The following MAK variants were observed in gnomAD, a reference collection of about 807,000 sequenced individuals.
The protein encoded by MAK is male germ cell associated kinase, also known as serine/threonine-protein kinase MAK.
A neutral mutation model predicts 82.6 loss-of-function variants in MAK; 65 were observed. The observed-to-expected ratio is 0.79, with a 90% CI of 0.64 to 0.97. The LOEUF (loss-of-function observed/expected upper bound fraction) is 0.97, where lower values mean the gene tolerates loss of function less well. Ranked by LOEUF, MAK falls within the 50% of genes least tolerant of loss-of-function variation. The pLI is 0.00. For missense variants in MAK, 703 were observed against 780.2 expected, an observed-to-expected ratio of 0.90 and a Z score of 1.18; for synonymous variants, 250 against 274.2, an observed-to-expected ratio of 0.91 and a Z score of 0.87.
intron 1 of MAK, 28 bp from the exon 2 acceptor site, chr6:10,830,905 A>C (rs1778767796): frequency 4.5e-6 from 2 of 445,770 alleles, no homozygotes; most frequent in East Asian, 9.1e-5. Flanking sequence ...GGATATCATG[A>C]ATTTTCATTA....
chr6:10,813,127 TATATATAAA>T (rs1322951961), intron 5 of MAK, among the ~76,000 whole-genome samples: 54 of 870 alleles, frequency 0.062, 9 homozygotes, highest in African/African-American at 0.071. Flanking sequence ...TATATATATA[TATATATAAA>T]TTTTTTTTTT....
At chr6:10,770,550 G>A (rs527705528) in intron 13 of MAK, among the ~76,000 whole-genome samples, 6 of 152,206 alleles carry the variant, frequency 3.9e-5, no homozygotes, top group South Asian at 2.1e-4. Context: ...GCTTTCTCAC[G>A]ACCCCACTTC....
At chr6:10,829,311 A>G (rs1778604003) in intron 2 of MAK, 1 of 152,256 alleles carries the variant, frequency 6.6e-6, no homozygotes, top group African/African-American at 2.4e-5. Flanking sequence ...AATATAACAT[A>G]TATCATTCAG....
rs558049276 is a variant in MAK at position 10,768,686 on chromosome 6, T to C, written c.1792+1425A>G. Among the ~76,000 whole-genome samples the C allele has an allele frequency of 4.6e-5, 7 of 152,376 alleles. No individual in the cohort carries two copies. The South Asian group carries it at 1.2e-3, about 27-fold the overall frequency. ...CTGCTGTATATAAAATGTTTACTTA[T>C]TTTGTTTCAGCGAAAAGATAATGAA... On this transcript the variant is annotated intron_variant, in intron 14 of 14. Coordinates refer to ENST00000354489, the MANE Select transcript of MAK (RefSeq NM_001242957.3).
intron 3 of MAK, 120 bp from the exon 4 acceptor site, chr6:10,818,091 T>C (rs533778817): frequency 3.7e-6 from 2 of 537,900 alleles, no homozygotes; most frequent in South Asian, 4.3e-5. Context: ...CCTGGGTTCA[T>C]TAATTAATTA....
At chr6:10,825,313 TTGA>T (rs1241434523) in intron 2 of MAK, among the ~76,000 whole-genome samples, 1 of 152,222 alleles carries the variant, frequency 6.6e-6, no homozygotes, top group Admixed American at 6.5e-5. Context: ...TCCAGACTTC[TTGA>T]TACGTGCTTC....
At chr6:10,826,332 A>T (rs1173775864) in intron 2 of MAK, among the ~76,000 whole-genome samples, 1 of 141,232 alleles carries the variant, frequency 7.1e-6, no homozygotes, top group Non-Finnish European at 1.5e-5. Context: ...AGTGTGGCTT[A>T]TCTAGGCTCC....
At chr6:10,808,410 G>C (rs1776663612) in intron 6 of MAK, among the ~76,000 whole-genome samples, 1 of 152,118 alleles carries the variant, frequency 6.6e-6, no homozygotes, top group South Asian at 2.1e-4. Context: ...CATGTCTTCT[G>C]GTGAACACGT....
At chr6:10,808,978 T>A (rs1776714381) in intron 5 of MAK, 36 bp from the exon 6 acceptor site, 2 of 1,558,982 alleles carry the variant, frequency 1.3e-6, no homozygotes, top group African/African-American at 2.7e-5. Flanking sequence ...ATACAGTAAA[T>A]CATTACGTTT....
At chr6:10,809,033 CCT>C (rs1776718740) in intron 5 of MAK, 91 bp from the exon 6 acceptor site, 10 of 1,144,370 alleles carry the variant, frequency 8.7e-6, no homozygotes, top group East Asian at 2.4e-5. Flanking sequence ...AAATGAACCC[CCT>C]CTTTTATAAT....
At chr6:10,784,717 A>C in intron 10 of MAK, 145 bp from the exon 11 acceptor site, 1 of 751,212 alleles carries the variant, frequency 1.3e-6, no homozygotes. Context: ...TCTTTTGGCT[A>C]AGTGACAACT....
At chr6:10,785,537 T>C (rs1325505574) in intron 10 of MAK, among the ~76,000 whole-genome samples, 1 of 152,260 alleles carries the variant, frequency 6.6e-6, no homozygotes, top group Non-Finnish European at 1.5e-5. Flanking sequence ...GGTGGCCCTT[T>C]GAACTGCTGG....
chr6:10,776,673 A>G lies in MAK; in HGVS notation c.1466-1214T>C, dbSNP rs1773478843. Among the ~76,000 whole-genome samples the G allele has an allele frequency of 6.6e-6, 1 of 152,140 alleles. No homozygotes were observed. The highest frequency in any genetic ancestry group is 2.1e-4 in the South Asian group (1 of 4,832). Reference sequence around the variant, plus strand: ...TATCCCTTATTTTGAAACCAGAAATACTGCACCTCAAAAGTTACCCATTAT... The same window carrying G: ...TATCCCTTATTTTGAAACCAGAAATGCTGCACCTCAAAAGTTACCCATTAT... On this transcript the variant is annotated intron_variant, in intron 11 of 14. Transcript: ENST00000354489. The surrounding 1 kb of genome is among the most constrained non-coding windows in gnomAD (Gnocchi z 4.3).
chr6:10,769,927 T>C, intron 14 of MAK, 184 bp downstream of exon 14: 2 of 1,102,856 alleles, frequency 1.8e-6, no homozygotes, highest in Non-Finnish European at 1.3e-6. Flanking sequence ...TTATAATTAT[T>C]AGACCCTCAA....
intron 2 of MAK, among the ~76,000 whole-genome samples, chr6:10,830,167 GTATATA>G (rs774223604): frequency 7.1e-6 from 1 of 140,720 alleles, no homozygotes; most frequent in Non-Finnish European, 1.5e-5. Flanking sequence ...GCGTGTGCAC[GTATATA>G]TATATATTTT....
chr6:10,786,373 C>G (rs1774537639), intron 10 of MAK, among the ~76,000 whole-genome samples: 2 of 152,138 alleles, frequency 1.3e-5, no homozygotes, highest in Admixed American at 1.3e-4. Context: ...ATGGCAGGGT[C>G]TGTTCAATGC....
At position 10,768,991 on chromosome 6, in the gene MAK, C is replaced by T. The variant is rs568461351; in HGVS notation, c.1792+1120G>A. Among the ~76,000 whole-genome samples, 11 of 152,322 alleles carry T rather than the reference C, an allele frequency of 7.2e-5. 2 individuals carry two copies. The South Asian group carries it at 2.3e-3, about 32-fold the overall frequency. On this transcript the variant is annotated intron_variant, in intron 14 of 14. Transcript: ENST00000354489. ...TTGGGAGGCCAAGGTGGGAGGATTGCTTGCGCCCACGAGTCAAGATCCAGC... is the reference window on the plus strand; with the variant it reads ...TTGGGAGGCCAAGGTGGGAGGATTGTTTGCGCCCACGAGTCAAGATCCAGC...
intron 14 of MAK, among the ~76,000 whole-genome samples, chr6:10,765,595 G>A (rs1326759051): frequency 6.6e-6 from 1 of 151,940 alleles, no homozygotes; most frequent in African/African-American, 2.4e-5. Context: ...GAGCAGCTGG[G>A]ATTACAGGGG....
At chr6:10,770,719 G>A (rs1483375231) in intron 13 of MAK, among the ~76,000 whole-genome samples, 1 of 152,146 alleles carries the variant, frequency 6.6e-6, no homozygotes, top group East Asian at 1.9e-4. Flanking sequence ...GAATCTGTAC[G>A]CATTAAACGT....
Sources: allele counts gnomAD v4.1 joint callset (sites outside exome capture counted in the v4.1 genomes callset), GRCh38; gene constraint gnomAD v4.1.1; non-coding constraint Gnocchi (gnomAD v3.1); transcripts MANE v1.5; gene names NCBI Gene and HGNC (gene_info 2026-07-23, HGNC 2026-07-21).